The following SPTLC3 variants were observed in gnomAD, a reference collection of about 807,000 sequenced individuals.
The protein encoded by SPTLC3 is serine palmitoyltransferase long chain base subunit 3.
Under a neutral mutation model 59.3 loss-of-function variants are expected in SPTLC3, and 36 were observed. The observed-to-expected ratio is 0.61, with a 90% CI of 0.47 to 0.80. SPTLC3 has a LOEUF of 0.80. SPTLC3 is among the 30% of genes least tolerant of loss of function. SPTLC3 has a pLI of 0.00. For synonymous variants in SPTLC3, 257 were observed against 240.8 expected, an observed-to-expected ratio of 1.07 and a Z score of -0.62; for missense variants, 625 against 685.1, an observed-to-expected ratio of 0.91 and a Z score of 0.98.
chr20:13,168,879 T>C lies in SPTLC3; in HGVS notation c.*4012T>C, dbSNP rs2039016270. 1 of 152,160 alleles carries C rather than the reference T, an allele frequency of 6.6e-6. No homozygotes were observed. The highest frequency in any genetic ancestry group is 2.1e-4 in the South Asian group (1 of 4,828). The allele number at this position is 152,160 out of a possible 1,614,324, so 9.4% of individuals were successfully genotyped here. On this transcript the variant is annotated 3_prime_UTR_variant, in exon 12 of 12. Coordinates refer to ENST00000399002, the MANE Select transcript of SPTLC3 (RefSeq NM_018327.4). ...ATAATGTTTAGAAAATTAAAGAGTC[T>C]GTATTTTAAATATTTTTAGGTAATT...
chr20:13,011,899 A>G (rs1985274950), intron 1 of SPTLC3, among the ~76,000 whole-genome samples: 1 of 152,156 alleles, frequency 6.6e-6, no homozygotes, highest in Non-Finnish European at 1.5e-5. Context: ...CTTCATGAGC[A>G]TATCCACACT....
rs568282872 is a variant in SPTLC3 at position 13,098,974 on chromosome 20, G to T, written c.826+5397G>T. Among the ~76,000 whole-genome samples, 25 of 152,240 alleles carry T rather than the reference G, an allele frequency of 1.6e-4. 1 individual carries two copies. The highest frequency in any genetic ancestry group is 1.3e-3 in the Admixed American group (20 of 15,282). On this transcript the variant is annotated intron_variant, in intron 6 of 11. Transcript: ENST00000399002. ...AGTCTATTATGCCTGAGCTGCTGTT[G>T]CTCTTCTGCTCTCTTTGGTAGGAAA... is the stretch of plus-strand genomic sequence containing the variant.
chr20:13,059,473 G>A (rs1054187580), intron 2 of SPTLC3, among the ~76,000 whole-genome samples: 1 of 152,156 alleles, frequency 6.6e-6, no homozygotes, highest in Non-Finnish European at 1.5e-5. Flanking sequence ...CTGCATTCAG[G>A]TGCAGGCAGC....
intron 9 of SPTLC3, among the ~76,000 whole-genome samples, chr20:13,130,359 CACT>C (rs1468361126): frequency 6.6e-6 from 1 of 152,248 alleles, no homozygotes; most frequent in Non-Finnish European, 1.5e-5. Context: ...CAGCCCACTC[CACT>C]ACAACTGTGA....
intron 3 of SPTLC3, chr20:13,073,922 C>A: frequency 1.8e-6 from 1 of 570,610 alleles, no homozygotes; most frequent in South Asian, 1.5e-5. Context: ...CATTCTTCAT[C>A]CTGGATCATC....
chr20:13,075,421 AC>A (rs1411770940), intron 4 of SPTLC3, among the ~76,000 whole-genome samples: 3 of 152,226 alleles, frequency 2.0e-5, no homozygotes, highest in Non-Finnish European at 4.4e-5. Flanking sequence ...CTCTTAGGTA[AC>A]CAATTAGTAG....
chr20:13,164,452 A>G lies in SPTLC3; in HGVS notation c.1546-302A>G, dbSNP rs1021472596. 8 of 508,048 alleles carry G rather than the reference A, an allele frequency of 1.6e-5. No homozygotes were observed. In the Admixed American group the frequency reaches 1.9e-4, roughly 12 times the overall value. 31.5% of individuals were successfully genotyped at this position (508,048 alleles called of 1,614,324 possible). On this transcript the variant is annotated intron_variant, in intron 11 of 11. Transcript: ENST00000399002. ...TACATATAAGTCACTACATTTTAAAATAAAACCTTTTAAGGGTAAGCATGG... is the reference window on the plus strand; with the variant it reads ...TACATATAAGTCACTACATTTTAAAGTAAAACCTTTTAAGGGTAAGCATGG...
At chr20:13,087,880 G>T (rs932303253) in intron 4 of SPTLC3, among the ~76,000 whole-genome samples, 1 of 152,168 alleles carries the variant, frequency 6.6e-6, no homozygotes, top group Non-Finnish European at 1.5e-5. Flanking sequence ...AGTTTTCCCT[G>T]GGGAAGCTGA....
At chr20:13,070,927 C>T (rs1037048223) in intron 2 of SPTLC3, among the ~76,000 whole-genome samples, 3 of 152,074 alleles carry the variant, frequency 2.0e-5, no homozygotes, top group African/African-American at 7.3e-5. Flanking sequence ...GAGAACTCCC[C>T]AAGCATCCCT....
intron 9 of SPTLC3, among the ~76,000 whole-genome samples, chr20:13,140,548 T>C (rs939365117): frequency 1.3e-5 from 2 of 152,180 alleles, no homozygotes; most frequent in African/African-American, 4.8e-5. Context: ...ACTTGCATTT[T>C]ATCTACTTTT....
At chr20:13,068,772 A>G (rs1003697258) in intron 2 of SPTLC3, among the ~76,000 whole-genome samples, 1 of 152,054 alleles carries the variant, frequency 6.6e-6, no homozygotes, top group Non-Finnish European at 1.5e-5. Flanking sequence ...AACAACAACA[A>G]CAACACTAGC....
In SPTLC3 at chr20:13,024,409, A is replaced by G. The variant is rs112936491; in HGVS notation, c.117+15025A>G. Among the ~76,000 whole-genome samples, 394 of 152,280 alleles carry G rather than the reference A, an allele frequency of 2.6e-3. 1 individual carries two copies. Among genetic ancestry groups the G allele is most frequent in the African/African-American group, 8.8e-3 (366 of 41,580 alleles). On this transcript the variant is annotated intron_variant, in intron 1 of 11. Coordinates refer to ENST00000399002, the MANE Select transcript of SPTLC3 (RefSeq NM_018327.4). ...TTACTACTTGTCTACCTATCTATCT[A>G]TCTATCCATCCATATGTTTTATGCA...
intron 8 of SPTLC3, among the ~76,000 whole-genome samples, chr20:13,121,734 T>C (rs760549391): frequency 6.6e-6 from 1 of 152,060 alleles, no homozygotes; most frequent in Non-Finnish European, 1.5e-5. Context: ...CAGAAGTTAC[T>C]CAAAGAGCTC....
At chr20:13,046,081 A>C (rs1407438231) in intron 1 of SPTLC3, among the ~76,000 whole-genome samples, 2 of 152,194 alleles carry the variant, frequency 1.3e-5, no homozygotes, top group Non-Finnish European at 2.9e-5. Context: ...AAGCAGGTTA[A>C]ATTAAGGTTC....
chr20:13,114,191 C>A (rs540578522), intron 7 of SPTLC3, among the ~76,000 whole-genome samples: 1 of 152,234 alleles, frequency 6.6e-6, no homozygotes, highest in Non-Finnish European at 1.5e-5. Flanking sequence ...TCAGTTTCTT[C>A]ATCTGTAACA....
chr20:13,035,251 C>A (rs1483735518), intron 1 of SPTLC3, among the ~76,000 whole-genome samples: 1 of 152,132 alleles, frequency 6.6e-6, no homozygotes, highest in Non-Finnish European at 1.5e-5. Flanking sequence ...AAAATAATGA[C>A]AATAACAAAA....
intron 2 of SPTLC3, among the ~76,000 whole-genome samples, chr20:13,057,495 A>C (rs1987776350): frequency 6.6e-6 from 1 of 152,206 alleles, no homozygotes. Flanking sequence ...CGTGTTGTCC[A>C]AACTTATCTC....
chr20:13,138,960 G>C (rs915564619), intron 9 of SPTLC3, among the ~76,000 whole-genome samples: 1 of 152,196 alleles, frequency 6.6e-6, no homozygotes. Flanking sequence ...AAACTCAAAA[G>C]TGTATTTGAC....
At chr20:13,097,171 A>G (rs895325762) in intron 6 of SPTLC3, among the ~76,000 whole-genome samples, 1 of 152,108 alleles carries the variant, frequency 6.6e-6, no homozygotes, top group Admixed American at 6.6e-5. Flanking sequence ...ATTGCATAAA[A>G]TGGATGGCAT....
Sources: gnomAD v4.1 joint callset for allele counts (sites outside exome capture counted in the v4.1 genomes callset) on GRCh38, gnomAD v4.1.1 for gene constraint, MANE v1.5 for transcripts, NCBI Gene and HGNC (gene_info 2026-07-23, HGNC 2026-07-21) for gene names.